Variants in TVP23A observed in about 807,000 individuals in gnomAD.
TVP23A encodes the protein trans-golgi network vesicle protein 23 homolog A, also known as Golgi apparatus membrane protein TVP23 homolog A.
In TVP23A, 21 loss-of-function variants were observed where a neutral mutation model predicts 31.7. The ratio of observed to expected loss-of-function variants is 0.66; its 90% CI spans 0.47 to 0.95. The LOEUF (loss-of-function observed/expected upper bound fraction) is 0.95. Among genes scored for constraint, TVP23A ranks in the 40% least tolerant of loss-of-function variants. The pLI, the probability that TVP23A is intolerant of heterozygous loss-of-function variation, is 0.00. For synonymous variants in TVP23A, 104 were observed against 96.0 expected (o/e 1.08, Z -0.49); for missense variants, 279 against 255.6 (o/e 1.09, Z -0.62).
At chr16:10,764,170 C>G (rs957853160), downstream of TVP23A, among the ~76,000 whole-genome samples, 2 of 152,244 alleles carry the variant, frequency 1.3e-5, no homozygotes, top group Non-Finnish European at 2.9e-5. Flanking sequence ...AGGAGTATCT[C>G]AGCCCACGGG....
chr16:10,783,738 G>A (rs981869435), intron 2 of TVP23A, among the ~76,000 whole-genome samples: 4 of 152,154 alleles, frequency 2.6e-5, no homozygotes, highest in Non-Finnish European at 5.9e-5. Flanking sequence ...CCAGACAACA[G>A]AATGTTATTC....
chr16:10,807,390 A>T (rs1328108541), intron 2 of TVP23A, among the ~76,000 whole-genome samples: 1 of 152,244 alleles, frequency 6.6e-6, no homozygotes, highest in African/African-American at 2.4e-5. Flanking sequence ...AAGTATTAAG[A>T]GGTGCTTTGA....
At chr16:10,761,445 A>G (rs1257036325) in exon 9 of TVP23A, 2 of 1,614,088 alleles carry the variant, frequency 1.2e-6, no homozygotes, top group African/African-American at 1.3e-5. Context: ...GGTGGAGAAC[A>G]TGAGTGGCTT....
At chr16:10,770,927 T>C (rs774222777) in intron 6 of TVP23A, among the ~76,000 whole-genome samples, 94 of 149,014 alleles carry the variant, frequency 6.3e-4, no homozygotes, top group Non-Finnish European at 6.4e-4. Context: ...CTTTCCTTAA[T>C]TCTATACTTT....
chr16:10,815,106 T>C (rs1310928874), intron 2 of TVP23A, among the ~76,000 whole-genome samples: 1 of 152,080 alleles, frequency 6.6e-6, no homozygotes, highest in Non-Finnish European at 1.5e-5. Flanking sequence ...AAATACTGAG[T>C]TCTGGCCAGG....
At chr16:10,774,620 T>C (rs1221692513) in intron 3 of TVP23A, among the ~76,000 whole-genome samples, 1 of 150,570 alleles carries the variant, frequency 6.6e-6, no homozygotes, top group Non-Finnish European at 1.5e-5. Flanking sequence ...TTTTTTTTTT[T>C]TTTTTCCGAG....
At chr16:10,798,225 C>T (rs1189353705) in intron 2 of TVP23A, among the ~76,000 whole-genome samples, 2 of 151,994 alleles carry the variant, frequency 1.3e-5, no homozygotes, top group East Asian at 1.9e-4. Context: ...TCCCATAGTA[C>T]TGGGATTACA....
chr16:10,791,156 C>T (rs1328341210), intron 2 of TVP23A, among the ~76,000 whole-genome samples: 1 of 152,094 alleles, frequency 6.6e-6, no homozygotes, highest in African/African-American at 2.4e-5. Context: ...CTACTTATTG[C>T]TTGACTCATT....
chr16:10,813,674 C>T (rs1370834863), intron 2 of TVP23A, among the ~76,000 whole-genome samples: 2 of 152,098 alleles, frequency 1.3e-5, no homozygotes, highest in African/African-American at 2.4e-5. Context: ...CAGAGGTTTC[C>T]TGAACCCCTG....
chr16:10,780,067 G>A (rs1390537406), intron 2 of TVP23A, among the ~76,000 whole-genome samples: 1 of 151,698 alleles, frequency 6.6e-6, no homozygotes. Context: ...CAGCCTGGGC[G>A]ACAGAGTGAG....
intron 2 of TVP23A, among the ~76,000 whole-genome samples, chr16:10,800,127 T>A (rs1426541933): frequency 2.0e-5 from 3 of 151,960 alleles, no homozygotes; most frequent in Non-Finnish European, 4.4e-5. Flanking sequence ...AACAGGGTCT[T>A]GCTATATTGT....
chr16:10,781,576 C>G (rs748435143), intron 2 of TVP23A, among the ~76,000 whole-genome samples: 1 of 152,138 alleles, frequency 6.6e-6, no homozygotes, highest in Admixed American at 6.6e-5. Flanking sequence ...GGAGGTCTCA[C>G]GTTGTGCACA....
intron 2 of TVP23A, among the ~76,000 whole-genome samples, chr16:10,799,850 G>C (rs1403590566): frequency 6.6e-6 from 1 of 152,104 alleles, no homozygotes; most frequent in African/African-American, 2.4e-5. Flanking sequence ...GTTATTAACT[G>C]ATGGACAGAA....
At position 10,768,739 on chromosome 16, in the gene TVP23A, T is replaced by A. The variant is rs181944066; in HGVS notation, c.*363A>T. On this transcript the variant is annotated 3_prime_UTR_variant, in exon 8 of 8. Transcript: ENST00000299866. This position sits in a 1 kb window ranked among gnomAD's most constrained non-coding sequence, Gnocchi z 4.3. ...GTGTCAGTGTTTGTTAAAGCTGTGG[T>A]CTCTGAGTTTGTGGCTGGGTTTTAC... is the stretch of plus-strand genomic sequence containing the variant. 4.8e-4 allele frequency: 146 copies of A among 306,512 alleles called. No homozygotes were observed. The highest frequency in any genetic ancestry group is 7.2e-4 in the Non-Finnish European group (122 of 168,578). The allele number at this position is 306,512 out of a possible 1,614,324, so 19.0% of individuals were successfully genotyped here. A position where few individuals can be genotyped will look rare whatever the true frequency, so the allele number is the denominator to read the frequency against.
chr16:10,793,440 C>A (rs1229445528), intron 2 of TVP23A, among the ~76,000 whole-genome samples: 1 of 152,148 alleles, frequency 6.6e-6, no homozygotes, highest in East Asian at 1.9e-4. Flanking sequence ...CACCCTCCAC[C>A]TCTGGGCACT....
intron 2 of TVP23A, chr16:10,775,650 G>A (rs1377031287): frequency 1.5e-6 from 1 of 674,288 alleles, no homozygotes; most frequent in Non-Finnish European, 1.8e-6. Flanking sequence ...CTAGGGGAAG[G>A]TGGTTCTTGT....
chr16:10,786,647 T>A (rs1209398719), intron 2 of TVP23A, among the ~76,000 whole-genome samples: 1 of 152,100 alleles, frequency 6.6e-6, no homozygotes, highest in Non-Finnish European at 1.5e-5. Context: ...TAGAATTTGC[T>A]TAAAAATAAC....
chr16:10,807,142 C>CA (rs1302587291), intron 2 of TVP23A, among the ~76,000 whole-genome samples: 1 of 152,158 alleles, frequency 6.6e-6, no homozygotes, highest in African/African-American at 2.4e-5. Flanking sequence ...AAGGGGTCCT[C>CA]ACTCATTGAG....
downstream of TVP23A, among the ~76,000 whole-genome samples, chr16:10,760,182 G>A (rs1315537690): frequency 6.6e-6 from 1 of 152,212 alleles, no homozygotes; most frequent in Non-Finnish European, 1.5e-5. Flanking sequence ...GCAGGGATTG[G>A]CAAACTTTTC....
Sources: allele counts gnomAD v4.1 joint callset (sites outside exome capture counted in the v4.1 genomes callset), GRCh38; gene constraint gnomAD v4.1.1; non-coding constraint Gnocchi (gnomAD v3.1); transcripts MANE v1.5; gene names NCBI Gene and HGNC (gene_info 2026-07-23, HGNC 2026-07-21).